Variants in ENOX2 observed in about 807,000 individuals in gnomAD.
ENOX2 encodes APK1 antigen.
A neutral mutation model predicts 45.0 loss-of-function variants in ENOX2; 36 were observed. The observed-to-expected ratio is 0.80, with a 90% CI of 0.61 to 1.06. The LOEUF (loss-of-function observed/expected upper bound fraction) is 1.06. Among genes scored for constraint, ENOX2 ranks in the 50% least tolerant of loss-of-function variants. The pLI is 0.00. For missense variants in ENOX2, 423 were observed against 462.5 expected, an observed-to-expected ratio of 0.91 and a Z score of 0.78; for synonymous variants, 174 against 152.3, an observed-to-expected ratio of 1.14 and a Z score of -1.05.
intron 9 of ENOX2, among the ~76,000 whole-genome samples, chrX:130,660,233 A>G (rs2036652386): frequency 8.9e-6 from 1 of 111,878 alleles, no homozygotes; most frequent in African/African-American, 3.2e-5. Context: ...ACCCAATACT[A>G]TATCACACGA....
Position 130,667,515 on chromosome X carries a change from C to CT in ENOX2, c.907+14dup. The CT allele has an allele frequency of 1.7e-6, 2 of 1,188,883 alleles. No homozygotes were observed. The highest frequency in any genetic ancestry group is 3.5e-5 in the South Asian group (2 of 56,422). On this transcript the variant is annotated intron_variant, in intron 8 of 14. Coordinates refer to ENST00000394363, the MANE Select transcript of ENOX2 (RefSeq NM_006375.4). Reference sequence around the variant, plus strand: ...GACTTATTCTCATTCCAGCAGAACTCTAAGTTCCACTCACATTGAATGAGA... The same window carrying CT: ...GACTTATTCTCATTCCAGCAGAACTCTTAAGTTCCACTCACATTGAATGAGA...
chrX:130,703,512 T>TTCTCTCTCTC (rs59009662), intron 3 of ENOX2, among the ~76,000 whole-genome samples: 2 of 105,469 alleles, frequency 1.9e-5, no homozygotes, highest in African/African-American at 6.9e-5. Flanking sequence ...CCTTTCTTCC[T>TTCTCTCTCTC]TCTCTCTCTC....
intron 10 of ENOX2, among the ~76,000 whole-genome samples, chrX:130,642,511 G>T (rs1296251699): frequency 8.9e-6 from 1 of 112,649 alleles, no homozygotes; most frequent in African/African-American, 3.2e-5. Flanking sequence ...TATGGGGTTT[G>T]AGAGGACTGA....
At chrX:130,679,832 C>G in intron 5 of ENOX2, 84 bp from the exon 6 acceptor site, 1 of 754,649 alleles carries the variant, frequency 1.3e-6, no homozygotes, top group African/African-American at 2.0e-5. Flanking sequence ...CCCTGCTATC[C>G]CTGTCAAACT....
Position 130,628,599 on chromosome X carries a change from T to C in ENOX2, c.1529-556A>G, listed in dbSNP as rs1029274943. ...CACAAGAAAGTCTGCTGATTGTATT[T>C]GGGTATTATTTTGTGAACAGCTCTG... On this transcript the variant is annotated intron_variant, in intron 13 of 14. Coordinates refer to ENST00000394363, the MANE Select transcript of ENOX2 (RefSeq NM_006375.4). Among the ~76,000 whole-genome samples, 3 of 112,765 alleles carry C rather than the reference T, an allele frequency of 2.7e-5. No individual in the cohort carries two copies. The Admixed American group carries it at 2.8e-4, about 11-fold the overall frequency.
chrX:130,821,733 T>TAAAA (rs2077607123), intron 2 of ENOX2, among the ~76,000 whole-genome samples: 1 of 17,789 alleles, frequency 5.6e-5, no homozygotes, highest in Non-Finnish European at 1.1e-4. Context: ...TAAAAATAAA[T>TAAAA]AAATAAATTA....
chrX:130,678,051 C>T (rs2037201494), intron 6 of ENOX2, among the ~76,000 whole-genome samples: 1 of 108,251 alleles, frequency 9.2e-6, no homozygotes, highest in South Asian at 4.2e-4. Flanking sequence ...CACATCATTG[C>T]ACTCCAGCCT....
intron 2 of ENOX2, among the ~76,000 whole-genome samples, chrX:130,882,727 G>A (rs1473375867): frequency 1.8e-5 from 2 of 111,850 alleles, no homozygotes; most frequent in African/African-American, 6.5e-5. Context: ...TTAATAGTCT[G>A]GTCAGCAGAC....
At chrX:130,769,029 G>A (rs1419017890) in intron 3 of ENOX2, among the ~76,000 whole-genome samples, 1 of 111,122 alleles carries the variant, frequency 9.0e-6, no homozygotes, top group African/African-American at 3.3e-5. Context: ...TGCACCCTCC[G>A]CATGACGCTC....
intron 10 of ENOX2, among the ~76,000 whole-genome samples, chrX:130,641,203 A>T (rs1489059384): frequency 8.9e-6 from 1 of 112,063 alleles, no homozygotes; most frequent in Admixed American, 9.5e-5. Flanking sequence ...CAAAGAAAAA[A>T]TCTTGAAAGA....
At chrX:130,771,485 T>A (rs986161600) in intron 3 of ENOX2, among the ~76,000 whole-genome samples, 1 of 111,338 alleles carries the variant, frequency 9.0e-6, no homozygotes, top group Non-Finnish European at 1.9e-5. Flanking sequence ...AATATAGTTT[T>A]TTTCGTTTCT....
intron 3 of ENOX2, among the ~76,000 whole-genome samples, chrX:130,704,510 T>C (rs1301936794): frequency 2.7e-5 from 3 of 111,328 alleles, no homozygotes; most frequent in East Asian, 5.7e-4. Context: ...TGACTACTGA[T>C]AGCCATAGAA....
chrX:130,693,521 A>G (rs1254977802), intron 4 of ENOX2, among the ~76,000 whole-genome samples: 2 of 112,248 alleles, frequency 1.8e-5, no homozygotes, highest in Non-Finnish European at 3.8e-5. Context: ...ACTTGGTCTA[A>G]TTCTAATGCC....
At position 130,895,088 on chromosome X, in the gene ENOX2, C is replaced by T. The variant is rs949471636; in HGVS notation, c.-183+6596G>A. ...CGATCACTGGTTTGAGTGTCTATCT[C>T]CCCTATTAGACTGTGAGCTCCTTAA... On this transcript the variant is annotated intron_variant, in intron 2 of 14. Transcript: ENST00000394363. Among the ~76,000 whole-genome samples the T allele has an allele frequency of 2.7e-5, 3 of 111,857 alleles. No individual in the cohort carries two copies. The Admixed American group carries it at 2.8e-4, about 11-fold the overall frequency.
At chrX:130,710,098 C>T (rs2038151665) in intron 3 of ENOX2, among the ~76,000 whole-genome samples, 1 of 111,799 alleles carries the variant, frequency 8.9e-6, no homozygotes, top group Admixed American at 9.5e-5. Flanking sequence ...TACTATGCAC[C>T]TCACACTGTT....
intron 2 of ENOX2, among the ~76,000 whole-genome samples, chrX:130,839,825 TCAGCAA>T (rs2077984842): frequency 7.1e-5 from 8 of 112,089 alleles, no homozygotes; most frequent in Non-Finnish European, 1.5e-4. Flanking sequence ...TGACTTTGGA[TCAGCAA>T]TCATACAATA....
At chrX:130,828,838 G>A (rs1047490029) in intron 2 of ENOX2, among the ~76,000 whole-genome samples, 4 of 111,549 alleles carry the variant, frequency 3.6e-5, no homozygotes, top group East Asian at 2.8e-4. Context: ...GAATTAAGCC[G>A]TGAATGGCGT....
At chrX:130,842,687 T>A (rs751070714) in intron 2 of ENOX2, among the ~76,000 whole-genome samples, 2 of 112,092 alleles carry the variant, frequency 1.8e-5, no homozygotes, top group African/African-American at 6.5e-5. Flanking sequence ...TATTCCTACT[T>A]TCTTGAAACT....
At chrX:130,867,485 C>T (rs181736053) in intron 2 of ENOX2, among the ~76,000 whole-genome samples, 10 of 111,479 alleles carry the variant, frequency 9.0e-5, no homozygotes, top group African/African-American at 3.2e-4. Flanking sequence ...TTTCCCCAGG[C>T]ATGATTTTAC....
Sources: allele counts gnomAD v4.1 joint callset (sites outside exome capture counted in the v4.1 genomes callset), GRCh38; gene constraint gnomAD v4.1.1; transcripts MANE v1.5; gene names NCBI Gene and HGNC (gene_info 2026-07-23, HGNC 2026-07-21).